The following ASAH2 variants were observed in gnomAD, a reference collection of about 807,000 sequenced individuals.
The protein encoded by ASAH2 is neutral ceramidase.
A neutral mutation model predicts 82.9 loss-of-function variants in ASAH2; 58 were observed. The observed-to-expected ratio is 0.70, with a 90% CI of 0.57 to 0.87. The LOEUF is 0.87. Ranked by LOEUF, ASAH2 falls within the 40% of genes least tolerant of loss-of-function variation. ASAH2 has a pLI of 0.00. For missense variants in ASAH2, 779 were observed against 834.0 expected (o/e 0.93, Z 0.81); for synonymous variants, 276 against 289.7 (o/e 0.95, Z 0.48).
chr10:50,214,671 A>G, intron 9 of ASAH2, 72 bp downstream of exon 9: 1 of 1,574,278 alleles, frequency 6.4e-7, no homozygotes, highest in South Asian at 1.1e-5. Context: ...TTTGTAAATT[A>G]ATGATAAATA....
At chr10:50,210,320 T>C (rs1001903223) in intron 12 of ASAH2, among the ~76,000 whole-genome samples, 9 of 151,828 alleles carry the variant, frequency 5.9e-5, no homozygotes, top group Non-Finnish European at 1.2e-4. Flanking sequence ...GGCCAAATGG[T>C]GAAACCCCAT....
chr10:50,216,694 T>C (rs1845610552), intron 8 of ASAH2, among the ~76,000 whole-genome samples: 1 of 152,104 alleles, frequency 6.6e-6, no homozygotes. Flanking sequence ...TTCAACATAA[T>C]TAGAGCCATG....
rs1845068201 is a variant in ASAH2, at chr10:50,199,036, A to C, written c.1857+15T>G. The C allele has an allele frequency of 1.2e-6, 2 of 1,612,858 alleles. No individual in the cohort carries two copies. Among genetic ancestry groups the C allele is most frequent in the Admixed American group, 1.7e-5 (1 of 59,904 alleles). On this transcript the variant is annotated intron_variant, in intron 17 of 20. Transcript: ENST00000682911. ...CACGCACGCGCGCATGCACGCACAA[A>C]CAATATTTGATTACCGTAGCAATAG...
intron 16 of ASAH2, among the ~76,000 whole-genome samples, chr10:50,201,078 C>CT (rs1423672012): frequency 6.6e-6 from 1 of 151,980 alleles, no homozygotes; most frequent in Non-Finnish European, 1.5e-5. Flanking sequence ...CATCTGAACT[C>CT]TGAGAGGAGT....
At chr10:50,216,279 C>T (rs1313605188) in intron 8 of ASAH2, among the ~76,000 whole-genome samples, 2 of 150,092 alleles carry the variant, frequency 1.3e-5, no homozygotes, top group African/African-American at 2.4e-5. Context: ...ATGTTCTGCA[C>T]ATGTATCCAA....
At chr10:50,213,847 C>A (rs1589333416) in intron 9 of ASAH2, among the ~76,000 whole-genome samples, 1 of 152,030 alleles carries the variant, frequency 6.6e-6, no homozygotes, top group African/African-American at 2.4e-5. Context: ...ACTGGTTTAA[C>A]CCCATTGGGT....
chr10:50,199,032 A>G lies in ASAH2; in HGVS notation c.1857+19T>C. ...CACACACGCACGCGCGCATGCACGC[A>G]CAAACAATATTTGATTACCGTAGCA... On this transcript the variant is annotated intron_variant, in intron 17 of 20. Transcript: ENST00000682911. 2 of 1,612,420 alleles carry G rather than the reference A, an allele frequency of 1.2e-6. No homozygotes were observed. The highest frequency in any genetic ancestry group is 2.2e-5 in the South Asian group (2 of 91,060).
At position 50,240,524 on chromosome 10, in the gene ASAH2, C is replaced by T. The variant is rs1846267414; in HGVS notation, c.510+2678G>A. On this transcript the variant is annotated intron_variant, in intron 4 of 20. Transcript: ENST00000682911. Reference sequence around the variant, plus strand: ...AAATGGTGTTTACATCACTCCGCCACTCAGAAGATTTCTCAGAGTCCATAT... The same window carrying T: ...AAATGGTGTTTACATCACTCCGCCATTCAGAAGATTTCTCAGAGTCCATAT... The T allele has an allele frequency of 8.5e-6, 6 of 702,140 alleles. No homozygotes were observed. In the South Asian group the frequency reaches 8.9e-5, roughly 10 times the overall value. 43.5% of individuals were successfully genotyped at this position (702,140 alleles called of 1,614,324 possible). A position where few individuals can be genotyped will look rare whatever the true frequency, so the allele number is the denominator to read the frequency against.
chr10:50,223,783 G>A (rs1203157652), intron 7 of ASAH2, among the ~76,000 whole-genome samples: 1 of 152,156 alleles, frequency 6.6e-6, no homozygotes, highest in Non-Finnish European at 1.5e-5. Context: ...GTTACAAGAG[G>A]AAAGGAACAG....
At chr10:50,232,640 T>C (rs910173852) in intron 7 of ASAH2, among the ~76,000 whole-genome samples, 8 of 152,152 alleles carry the variant, frequency 5.3e-5, no homozygotes, top group African/African-American at 9.6e-5. Context: ...CAGATAATTG[T>C]GCTAAAAGCT....
chr10:50,197,312 C>T (rs1353724549), intron 17 of ASAH2, among the ~76,000 whole-genome samples: 2 of 151,630 alleles, frequency 1.3e-5, no homozygotes, highest in African/African-American at 2.4e-5. Context: ...GAGCCACTCT[C>T]ACCTGGAGTG....
At chr10:50,195,594 C>A (rs1216282187) in intron 18 of ASAH2, among the ~76,000 whole-genome samples, 1 of 151,166 alleles carries the variant, frequency 6.6e-6, no homozygotes, top group Non-Finnish European at 1.5e-5. Context: ...ATGTGAACTC[C>A]CATGTTTATT....
At chr10:50,239,836 T>A (rs2133229400) in intron 4 of ASAH2, among the ~76,000 whole-genome samples, 1 of 147,728 alleles carries the variant, frequency 6.8e-6, no homozygotes, top group African/African-American at 2.5e-5. Flanking sequence ...TAATTTTTTT[T>A]TTTTTTTTTT....
intron 7 of ASAH2, among the ~76,000 whole-genome samples, chr10:50,227,130 T>C (rs1434490965): frequency 1.3e-5 from 2 of 152,002 alleles, no homozygotes; most frequent in Non-Finnish European, 2.9e-5. Flanking sequence ...ACAATGATTG[T>C]CAGAGTACAA....
At chr10:50,235,368 A>C (rs1846130945) in intron 5 of ASAH2, among the ~76,000 whole-genome samples, 1 of 152,090 alleles carries the variant, frequency 6.6e-6, no homozygotes, top group Admixed American at 6.6e-5. Context: ...AAAAGAGAGG[A>C]GTATAAGCTA....
chr10:50,220,297 G>A (rs1441732455), intron 7 of ASAH2, among the ~76,000 whole-genome samples: 1 of 152,060 alleles, frequency 6.6e-6, no homozygotes, highest in Non-Finnish European at 1.5e-5. Flanking sequence ...ATATTTATGA[G>A]TGAATTGTAT....
intron 10 of ASAH2, among the ~76,000 whole-genome samples, chr10:50,211,731 G>A (rs1163210663): frequency 6.6e-6 from 1 of 152,054 alleles, no homozygotes. Flanking sequence ...TTATTAATTC[G>A]CATTATATAA....
Position 50,248,588 on chromosome 10 carries a change from T to A in ASAH2, c.23A>T (p.Asn8Ile), listed in dbSNP as rs1165738518. 1 of 1,613,728 alleles carries A rather than the reference T, an allele frequency of 6.2e-7. No homozygotes were observed. The highest frequency in any genetic ancestry group is 8.5e-7 in the Non-Finnish European group (1 of 1,179,704). The change falls in exon 2 of 21, where the codon AAC becomes ATC. Residue 8 changes from asparagine (N) to isoleucine (I), a missense_variant. Physicochemically the swap from Asn to Ile is moderately radical, Grantham distance 149. Around this residue, in one of 3 missense-constraint regions of ASAH2, gnomAD observed 759 missense variants for 755.2 expected, o/e 1.00. Coordinates refer to ENST00000682911, the MANE Select transcript of ASAH2 (RefSeq NM_019893.4). ...GAGGAAAATCAGGAATGTCTCCAAGTTAGAGAAGGTGCGTTTGGCCATTTC... is the reference window on the plus strand; with the variant it reads ...GAGGAAAATCAGGAATGTCTCCAAGATAGAGAAGGTGCGTTTGGCCATTTC... MAKRTFSNLETFLIFLLV... is the reference protein window; with the variant it reads MAKRTFSILETFLIFLLV...
At chr10:50,221,150 C>T (rs1001250244) in intron 7 of ASAH2, among the ~76,000 whole-genome samples, 14 of 152,132 alleles carry the variant, frequency 9.2e-5, no homozygotes, top group African/African-American at 2.9e-4. Context: ...CAGTTATTTG[C>T]AAGGTGTTTA....
Sources: gnomAD v4.1 joint callset for allele counts (sites outside exome capture counted in the v4.1 genomes callset) on GRCh38, gnomAD v4.1.1 for gene constraint, gnomAD v4.1.1 regional missense constraint, MANE v1.5 for transcripts, NCBI Gene and HGNC (gene_info 2026-07-23, HGNC 2026-07-21) for gene names.